Variants in KIAA1328 observed in about 807,000 individuals in gnomAD.
KIAA1328 encodes the protein protein hinderin.
A neutral mutation model predicts 68.1 loss-of-function variants in KIAA1328; 52 were observed. That is an observed-to-expected ratio of 0.76 (90% CI 0.61 to 0.96). The LOEUF (loss-of-function observed/expected upper bound fraction) is 0.96. KIAA1328 is among the 40% of genes least tolerant of loss of function. The pLI, the probability that KIAA1328 is intolerant of heterozygous loss-of-function variation, is 0.00. For synonymous variants in KIAA1328, 232 were observed against 239.4 expected (o/e 0.97, Z 0.28); for missense variants, 641 against 677.6 (o/e 0.95, Z 0.60).
intron 6 of KIAA1328, among the ~76,000 whole-genome samples, chr18:37,007,315 A>G (rs143644031): frequency 6.6e-5 from 10 of 152,154 alleles, no homozygotes; most frequent in African/African-American, 2.4e-4. Context: ...TTGAGTGGCT[A>G]CTCTCAGCAG....
chr18:36,830,697 AC>A (rs2046453391), intron 1 of KIAA1328, among the ~76,000 whole-genome samples: 1 of 151,708 alleles, frequency 6.6e-6, no homozygotes, highest in African/African-American at 2.4e-5. Context: ...TAGTTATATC[AC>A]CCCCTATTTT....
intron 9 of KIAA1328, among the ~76,000 whole-genome samples, chr18:37,214,599 G>C (rs1311929381): frequency 6.6e-6 from 1 of 152,226 alleles, no homozygotes; most frequent in South Asian, 2.1e-4. Context: ...CTCCAGCTTT[G>C]TTCTTTTTGC....
intron 7 of KIAA1328, among the ~76,000 whole-genome samples, chr18:37,119,105 A>C (rs925838897): frequency 6.6e-6 from 1 of 152,230 alleles, no homozygotes; most frequent in Admixed American, 6.5e-5. Flanking sequence ...TGAACTGCCA[A>C]TATTGTGGAT....
chr18:37,101,822 G>T (rs1389261215), intron 7 of KIAA1328, among the ~76,000 whole-genome samples: 1 of 152,172 alleles, frequency 6.6e-6, no homozygotes, highest in African/African-American at 2.4e-5. Flanking sequence ...TGATCTCTGG[G>T]CAGAAACTCT....
intron 9 of KIAA1328, among the ~76,000 whole-genome samples, chr18:37,185,332 T>G (rs1203463373): frequency 2.6e-5 from 4 of 152,064 alleles, no homozygotes; most frequent in Non-Finnish European, 5.9e-5. Context: ...ATACTGAAGG[T>G]TTACTTTTTA....
chr18:36,835,431 G>T, intron 3 of KIAA1328, 55 bp downstream of exon 3: 1 of 1,501,066 alleles, frequency 6.7e-7, no homozygotes, highest in South Asian at 1.3e-5. Flanking sequence ...TATGAGTGCT[G>T]ACCAAAAAGG....
At chr18:36,875,261 C>T (rs1017119767) in intron 4 of KIAA1328, among the ~76,000 whole-genome samples, 3 of 152,168 alleles carry the variant, frequency 2.0e-5, no homozygotes, top group African/African-American at 7.2e-5. Context: ...TTACTTTGGG[C>T]AGTATGGCCA....
At chr18:37,147,832 G>A (rs774220327) in intron 7 of KIAA1328, among the ~76,000 whole-genome samples, 5 of 151,998 alleles carry the variant, frequency 3.3e-5, no homozygotes, top group Non-Finnish European at 5.9e-5. Flanking sequence ...TTAGTGATAG[G>A]TATATGTTCT....
downstream of KIAA1328, chr18:37,229,727 A>G: frequency 3.1e-6 from 1 of 324,240 alleles, no homozygotes; most frequent in Non-Finnish European, 5.7e-6. Context: ...ATTTGTAAAA[A>G]TACAAAAAAT....
At chr18:36,930,514 T>G (rs1042231979) in intron 5 of KIAA1328, among the ~76,000 whole-genome samples, 2 of 152,172 alleles carry the variant, frequency 1.3e-5, no homozygotes, top group African/African-American at 4.8e-5. Flanking sequence ...TAAGAAGAAA[T>G]ACTTCATATT....
intron 5 of KIAA1328, among the ~76,000 whole-genome samples, chr18:36,935,970 T>C (rs1054944502): frequency 3.9e-5 from 6 of 152,200 alleles, no homozygotes; most frequent in Non-Finnish European, 5.9e-5. Flanking sequence ...CTTTCTTCTA[T>C]GGATTTTAAT....
chr18:37,050,240 G>A (rs990484933), intron 6 of KIAA1328, among the ~76,000 whole-genome samples: 1 of 150,604 alleles, frequency 6.6e-6, no homozygotes, highest in Non-Finnish European at 1.5e-5. Context: ...AGAAAAAAAA[G>A]GAAAAAGAAA....
At chr18:37,199,909 CTT>C (rs1402302009) in intron 9 of KIAA1328, among the ~76,000 whole-genome samples, 6 of 152,222 alleles carry the variant, frequency 3.9e-5, no homozygotes, top group African/African-American at 1.2e-4. Flanking sequence ...TGAGAAGTGT[CTT>C]TTCATGGAGG....
At chr18:37,063,690 A>G (rs758921837) in intron 6 of KIAA1328, 134 of 984,888 alleles carry the variant, frequency 1.4e-4, no homozygotes, top group Non-Finnish European at 1.5e-4. Context: ...ATTAAGCTGT[A>G]CTACCTCTCA....
chr18:37,088,692 C>A (rs2057177595), intron 7 of KIAA1328, among the ~76,000 whole-genome samples: 1 of 151,426 alleles, frequency 6.6e-6, no homozygotes, highest in Non-Finnish European at 1.5e-5. Context: ...ATAAAATATA[C>A]CTATAATCTC....
At chr18:37,155,029 A>G (rs1182165411) in intron 7 of KIAA1328, among the ~76,000 whole-genome samples, 3 of 152,092 alleles carry the variant, frequency 2.0e-5, no homozygotes, top group African/African-American at 7.2e-5. Flanking sequence ...CTGCTTTTTA[A>G]TCTCTGCACT....
In KIAA1328 at chr18:37,225,026, A is replaced by G; in HGVS notation, c.*2799A>G. The G allele has an allele frequency of 1.0e-6, 1 of 985,382 alleles. No homozygotes were observed. The highest frequency in any genetic ancestry group is 1.2e-6 in the Non-Finnish European group (1 of 829,916). The allele number at this position is 985,382 out of a possible 1,614,324, so 61.0% of individuals were successfully genotyped here. ...TCCAAACCTGATCCCCATGATGGGG[A>G]CTTTTCTAGAGCACCCCAAATGTCA... On this transcript the variant is annotated 3_prime_UTR_variant, in exon 10 of 10. Transcript: ENST00000280020.
At chr18:36,894,717 G>T (rs1439193753) in intron 5 of KIAA1328, among the ~76,000 whole-genome samples, 1 of 152,050 alleles carries the variant, frequency 6.6e-6, no homozygotes, top group Non-Finnish European at 1.5e-5. Context: ...TAGAGACGGG[G>T]TCTCCCTATG....
chr18:36,913,187 A>G (rs1598689667), intron 5 of KIAA1328, among the ~76,000 whole-genome samples: 1 of 151,614 alleles, frequency 6.6e-6, no homozygotes, highest in Non-Finnish European at 1.5e-5. Flanking sequence ...CCCCCTTTCA[A>G]TTTAAACTGG....
Sources: gnomAD v4.1 joint callset for allele counts (sites outside exome capture counted in the v4.1 genomes callset) on GRCh38, gnomAD v4.1.1 for gene constraint, MANE v1.5 for transcripts, NCBI Gene and HGNC (gene_info 2026-07-23, HGNC 2026-07-21) for gene names.